TBC1D31: variants seen among roughly 807,000 people sequenced by gnomAD.
TBC1D31 encodes WD repeat domain 67.
In TBC1D31, 99 loss-of-function variants were observed where a neutral mutation model predicts 132.9. The ratio of observed to expected loss-of-function variants is 0.74; its 90% CI spans 0.63 to 0.88. The LOEUF is 0.88. TBC1D31 is among the 40% of genes least tolerant of loss of function. The pLI is 0.00. For missense variants in TBC1D31, 1,134 were observed against 1,256.6 expected (o/e 0.90, Z 1.48); for synonymous variants, 385 against 419.4 (o/e 0.92, Z 1.00).
intron 10 of TBC1D31, among the ~76,000 whole-genome samples, chr8:123,110,380 C>T (rs1014568846): frequency 6.6e-6 from 1 of 152,058 alleles, no homozygotes; most frequent in African/African-American, 2.4e-5. Flanking sequence ...ACCTGCTTTT[C>T]ATGTGTTAGG....
intron 5 of TBC1D31, among the ~76,000 whole-genome samples, chr8:123,095,493 A>T (rs932879931): frequency 2.0e-5 from 3 of 152,224 alleles, no homozygotes; most frequent in Non-Finnish European, 4.4e-5. Context: ...GAAGTAATGA[A>T]TTGGTTTATT....
intron 7 of TBC1D31, chr8:123,103,800 T>C (rs1015575131): frequency 2.0e-5 from 3 of 152,226 alleles, no homozygotes; most frequent in East Asian, 3.8e-4. Flanking sequence ...TCCTTTCTGC[T>C]TGTTATCTGT....
the TBC1D31 span, among the ~76,000 whole-genome samples, chr8:123,158,484 C>A: frequency 1.4e-4 from 21 of 152,124 alleles, no homozygotes; most frequent in Admixed American, 7.8e-4. Context: ...AGGGAAAGGA[C>A]GAGTGATGGA....
chr8:123,103,338 AT>A (rs1308514977), intron 7 of TBC1D31: 2 of 152,058 alleles, frequency 1.3e-5, no homozygotes, highest in African/African-American at 4.8e-5. Flanking sequence ...ATATTAATAA[AT>A]TTTTTTAAAT....
intron 2 of TBC1D31, among the ~76,000 whole-genome samples, chr8:123,078,002 C>G (rs1332028150): frequency 6.6e-6 from 1 of 151,868 alleles, no homozygotes; most frequent in Admixed American, 6.6e-5. Flanking sequence ...GAGCCGAGAT[C>G]GTGCCACTGC....
chr8:123,086,987 G>A lies in TBC1D31; in HGVS notation c.519+2647G>A, dbSNP rs563084622. The stretch of plus-strand genomic sequence containing the variant: ...CTCGCCTGGTCTCCCAAAGTGCTGG[G>A]ATTACAGGTGTGAGCCACCATGCCC... On this transcript the variant is annotated intron_variant, in intron 4 of 21. Transcript: ENST00000287380. 2.6e-5 allele frequency among the ~76,000 whole-genome samples: 4 copies of A among 152,334 alleles called. No individual in the cohort carries two copies. In the South Asian group the frequency reaches 8.3e-4, roughly 32 times the overall value.
intron 3 of TBC1D31, 113 bp from the exon 4 acceptor site, chr8:123,084,049 C>T: frequency 1.2e-6 from 1 of 855,316 alleles, no homozygotes; most frequent in Non-Finnish European, 1.8e-6. Context: ...ATGGAGGTGC[C>T]TCATATAATA....
intron 11 of TBC1D31, 144 bp from the exon 12 acceptor site, chr8:123,125,912 G>A (rs972906494): frequency 2.0e-5 from 12 of 591,084 alleles, no homozygotes; most frequent in South Asian, 6.2e-5. Context: ...TTTTAAAATC[G>A]ATTGTCATAC....
intron 10 of TBC1D31, among the ~76,000 whole-genome samples, chr8:123,119,693 A>G (rs1335295731): frequency 6.6e-6 from 1 of 152,186 alleles, no homozygotes; most frequent in Non-Finnish European, 1.5e-5. Flanking sequence ...AGTCTGGGTG[A>G]CAGAGCAAGG....
intron 6 of TBC1D31, among the ~76,000 whole-genome samples, chr8:123,099,582 T>C (rs1817181586): frequency 6.6e-6 from 1 of 152,038 alleles, no homozygotes; most frequent in Admixed American, 6.6e-5. Flanking sequence ...AGGCAGACAG[T>C]GGGGAGCCTC....
At chr8:123,140,700 T>G in intron 17 of TBC1D31, 61 bp from the exon 18 acceptor site, 1 of 1,401,296 alleles carries the variant, frequency 7.1e-7, no homozygotes. Context: ...CTGAAAAAAG[T>G]CATTTTTGTA....
chr8:123,089,327 A>G (rs895263057), intron 4 of TBC1D31, among the ~76,000 whole-genome samples: 20 of 152,336 alleles, frequency 1.3e-4, no homozygotes, highest in African/African-American at 4.3e-4. Flanking sequence ...CAAAGTTAGC[A>G]CAGTGCTGGT....
intron 20 of TBC1D31, among the ~76,000 whole-genome samples, chr8:123,147,668 G>GTTTTATT (rs1822352655): frequency 6.6e-6 from 1 of 151,922 alleles, no homozygotes. Flanking sequence ...TTTTAACCTT[G>GTTTTATT]CTGAATTTCA....
At chr8:123,082,886 TCA>T (rs991327634) in intron 3 of TBC1D31, 69 bp downstream of exon 3, 1 of 1,103,632 alleles carries the variant, frequency 9.1e-7, no homozygotes, top group Non-Finnish European at 1.3e-6. Context: ...AAGAACTTTA[TCA>T]CTCTGTACAG....
intron 10 of TBC1D31, among the ~76,000 whole-genome samples, chr8:123,114,313 GT>G (rs1199323340): frequency 3.0e-4 from 40 of 134,460 alleles, no homozygotes; most frequent in Admixed American, 7.4e-4. Context: ...CTGTTTGTTT[GT>G]TTTTTGTTGT....
At position 123,109,302 on chromosome 8, in the gene TBC1D31, T is replaced by G. The variant is rs373862341; in HGVS notation, c.1210-15T>G. 6.5e-7 allele frequency: 1 copy of G among 1,533,922 alleles called. No homozygotes were observed. Among genetic ancestry groups the G allele is most frequent in the Non-Finnish European group, 9.0e-7 (1 of 1,115,634 alleles). ...ATGATTGTGTCATTTATTAATATTG[T>G]CTTTTTCTTTGTAGAATGAATTACC... is the stretch of plus-strand genomic sequence containing the variant. On this transcript the variant is annotated splice_polypyrimidine_tract_variant and intron_variant, in intron 8 of 21. Coordinates refer to ENST00000287380, the MANE Select transcript of TBC1D31 (RefSeq NM_145647.4).
At chr8:123,087,058 A>G (rs1181161887) in intron 4 of TBC1D31, among the ~76,000 whole-genome samples, 1 of 152,206 alleles carries the variant, frequency 6.6e-6, no homozygotes, top group African/African-American at 2.4e-5. Context: ...TCAAAATGTT[A>G]GAAGTGGAGA....
chr8:123,100,254 G>C (rs1347041735), intron 6 of TBC1D31, among the ~76,000 whole-genome samples: 1 of 152,022 alleles, frequency 6.6e-6, no homozygotes, highest in East Asian at 1.9e-4. Context: ...TAATCAACAT[G>C]AGCCATAAGT....
intron 21 of TBC1D31, 58 bp downstream of exon 21, chr8:123,150,186 CA>C: frequency 7.5e-7 from 1 of 1,336,442 alleles, no homozygotes; most frequent in Non-Finnish European, 1.1e-6. Context: ...AATATTTAAG[CA>C]AAATTGTGGC....
Sources: allele counts gnomAD v4.1 joint callset (sites outside exome capture counted in the v4.1 genomes callset), GRCh38; gene constraint gnomAD v4.1.1; transcripts MANE v1.5; gene names NCBI Gene and HGNC (gene_info 2026-07-23, HGNC 2026-07-21).